The following SERPINI1 variants were observed in gnomAD, a reference collection of about 807,000 sequenced individuals.
SERPINI1 encodes the protein serpin family I member 1.
A neutral mutation model predicts 41.1 loss-of-function variants in SERPINI1; 19 were observed. The observed-to-expected ratio is 0.46, with a 90% CI of 0.32 to 0.68. The LOEUF is 0.68. SERPINI1 is among the 30% of genes least tolerant of loss of function. The probability of loss-of-function intolerance (pLI) is 0.03; values close to 1 mark genes in which losing one functional copy is unlikely to be tolerated. For synonymous variants in SERPINI1, 138 were observed against 156.6 expected (o/e 0.88, Z 0.89); for missense variants, 460 against 479.2 (o/e 0.96, Z 0.37).
At chr3:167,804,357 T>C (rs1711548045) in intron 5 of SERPINI1, among the ~76,000 whole-genome samples, 1 of 152,210 alleles carries the variant, frequency 6.6e-6, no homozygotes, top group Non-Finnish European at 1.5e-5. Context: ...GAAATGATGC[T>C]AATGAAACTT....
At chr3:167,824,675 T>C in intron 8 of SERPINI1, 113 bp downstream of exon 8, 1 of 654,708 alleles carries the variant, frequency 1.5e-6, no homozygotes, top group Non-Finnish European at 2.7e-6. Flanking sequence ...ACAATTTTAT[T>C]TATTTATTCT....
intron 1 of SERPINI1, among the ~76,000 whole-genome samples, chr3:167,764,221 GATT>G (rs1332288281): frequency 6.6e-6 from 1 of 151,974 alleles, no homozygotes; most frequent in Admixed American, 6.6e-5. Flanking sequence ...TAACTGCTGT[GATT>G]ATTAAGCCAA....
chr3:167,748,475 G>A (rs185298005), intron 1 of SERPINI1, among the ~76,000 whole-genome samples: 1 of 152,244 alleles, frequency 6.6e-6, no homozygotes, highest in Non-Finnish European at 1.5e-5. Flanking sequence ...AACTAACGTC[G>A]CTAAACCAGT....
chr3:167,744,729 ATATATATAT>A (rs1342561825), intron 1 of SERPINI1, among the ~76,000 whole-genome samples: 3 of 124,762 alleles, frequency 2.4e-5, no homozygotes, highest in African/African-American at 5.9e-5. Context: ...AAATATATAA[ATATATATAT>A]TATATATAAC....
rs113825583 is a variant in SERPINI1 at position 167,783,740 on chromosome 3, AGGG to A, written c.-18-5370_-18-5368del. Among the ~76,000 whole-genome samples, 138 of 152,350 alleles carry A rather than the reference AGGG, an allele frequency of 9.1e-4. 1 individual carries two copies. The highest frequency in any genetic ancestry group is 3.1e-3 in the African/African-American group (129 of 41,590). ...AAGTCAGAGGTAGCAGAGGCAAAGG[AGGG>A]AGCCAGCAACCAGCAACCAGCAGCA... On this transcript the variant is annotated intron_variant, in intron 1 of 8. Coordinates refer to ENST00000446050, the MANE Select transcript of SERPINI1 (RefSeq NM_001122752.2).
intron 5 of SERPINI1, among the ~76,000 whole-genome samples, chr3:167,805,084 G>A (rs557486638): frequency 1.3e-5 from 2 of 151,302 alleles, no homozygotes; most frequent in South Asian, 2.1e-4. Context: ...TAATTCATAA[G>A]GTCAATTAAA....
chr3:167,812,045 A>C (rs1251482089), intron 6 of SERPINI1, among the ~76,000 whole-genome samples: 2 of 152,144 alleles, frequency 1.3e-5, no homozygotes, highest in Non-Finnish European at 2.9e-5. Flanking sequence ...AAACGGAGTG[A>C]CTTGAGATCT....
At position 167,755,419 on chromosome 3, in the gene SERPINI1, A is replaced by C. The variant is rs1726163496; in HGVS notation, c.-19+19596A>C. On this transcript the variant is annotated intron_variant, in intron 1 of 8. Transcript: ENST00000446050. The stretch of plus-strand genomic sequence containing the variant: ...TTTTAAAAGGAACTTACTGGTAAAA[A>C]TAAGTTCTTGTTTCAAGGAAATAGA... Among the ~76,000 whole-genome samples, 3 of 152,338 alleles carry C rather than the reference A, an allele frequency of 2.0e-5. No individual in the cohort carries two copies. The South Asian group carries it at 6.2e-4, about 32-fold the overall frequency.
intron 6 of SERPINI1, among the ~76,000 whole-genome samples, chr3:167,811,056 C>T (rs1711859578): frequency 6.6e-6 from 1 of 152,004 alleles, no homozygotes; most frequent in Non-Finnish European, 1.5e-5. Context: ...GCTGTTTCTA[C>T]CACATCCACA....
chr3:167,810,095 AATT>A lies in SERPINI1; in HGVS notation c.979+2758_979+2760del, dbSNP rs1468878307. Among the ~76,000 whole-genome samples, 14 of 152,258 alleles carry A rather than the reference AATT, an allele frequency of 9.2e-5. No homozygotes were observed. The East Asian group carries it at 2.7e-3, about 29-fold the overall frequency. On this transcript the variant is annotated intron_variant, in intron 6 of 8. Transcript: ENST00000446050. ...TTAATTTATGAATCATTCATTCAAA[AATT>A]ATTGTTTTAATTATAAAACTTGCCC...
chr3:167,781,633 CCTTTT>C (rs1560005969), intron 1 of SERPINI1, among the ~76,000 whole-genome samples: 5 of 129,672 alleles, frequency 3.9e-5, no homozygotes, highest in East Asian at 4.5e-4. Context: ...TTTCTTTTGG[CCTTTT>C]TTTTTTTTTT....
rs752294814 is a variant in SERPINI1, at chr3:167,789,146, C to A, written c.18C>A (p.Leu6=). ...GTTACAATATGGCTTTCCTTGGACT[C>A]TTCTCTTTGCTGGTTCTGCAAAGTA... is the stretch of plus-strand genomic sequence containing the variant. The part of the protein sequence containing the change: MAFLG[L]FSLLVLQSMA... Residue 6 remains leucine, a synonymous_variant, in exon 2 of 9, where the codon CTC becomes CTA. Transcript: ENST00000446050. 65 of 1,614,068 alleles carry A rather than the reference C, an allele frequency of 4.0e-5. No individual in the cohort carries two copies. In the South Asian group the frequency reaches 6.1e-4, roughly 15 times the overall value.
At position 167,790,402 on chromosome 3, in the gene SERPINI1, C is replaced by A; in HGVS notation, c.281C>A (p.Ser94Ter). ...GEEFSFLKEF[S>*]NMVTAKESQY... ...GAATTTTCTTTCTTGAAGGAGTTTT[C>A]AAACATGGTAACTGCTAAAGAGAGC... The change falls in exon 3 of 9, where the codon TCA becomes TAA. Residue 94 changes from serine (S) to a stop codon, truncating the protein, a stop_gained. Coordinates refer to ENST00000446050, the MANE Select transcript of SERPINI1 (RefSeq NM_001122752.2). LOFTEE classifies it high-confidence loss of function. 1.2e-6 allele frequency: 2 copies of A among 1,613,714 alleles called. No homozygotes were observed. Among genetic ancestry groups the A allele is most frequent in the South Asian group, 2.2e-5 (2 of 91,026 alleles).
At chr3:167,788,241 T>C (rs1483071298) in intron 1 of SERPINI1, among the ~76,000 whole-genome samples, 2 of 152,172 alleles carry the variant, frequency 1.3e-5, no homozygotes, top group Non-Finnish European at 2.9e-5. Context: ...AGCAGAGATA[T>C]TATTCAGAGA....
At chr3:167,770,199 G>A (rs921972295) in intron 1 of SERPINI1, among the ~76,000 whole-genome samples, 11 of 151,306 alleles carry the variant, frequency 7.3e-5, no homozygotes, top group African/African-American at 2.7e-4. Context: ...ATGAATATAT[G>A]TTTTTAAAGT....
intron 1 of SERPINI1, among the ~76,000 whole-genome samples, chr3:167,774,076 A>C (rs1483958846): frequency 6.6e-6 from 1 of 152,196 alleles, no homozygotes; most frequent in African/African-American, 2.4e-5. Context: ...GGAAATAATA[A>C]AGATTTTTTT....
chr3:167,764,968 G>T (rs1053910688), intron 1 of SERPINI1, among the ~76,000 whole-genome samples: 1 of 152,318 alleles, frequency 6.6e-6, no homozygotes, highest in South Asian at 2.1e-4. Flanking sequence ...CAAGAGGTAG[G>T]TTCTCATTGT....
chr3:167,794,492 T>C, intron 4 of SERPINI1, 128 bp from the exon 5 acceptor site: 1 of 653,094 alleles, frequency 1.5e-6, no homozygotes, highest in Middle Eastern at 4.3e-4. Flanking sequence ...TAGTGGTGAT[T>C]TGTGAGATTT....
chr3:167,808,045 G>C (rs1181770649), intron 6 of SERPINI1, among the ~76,000 whole-genome samples: 1 of 151,918 alleles, frequency 6.6e-6, no homozygotes, highest in Non-Finnish European at 1.5e-5. Context: ...TTGAACCCAG[G>C]AGGCAGAGGT....
Sources: allele counts gnomAD v4.1 joint callset (sites outside exome capture counted in the v4.1 genomes callset), GRCh38; gene constraint gnomAD v4.1.1; transcripts MANE v1.5; gene names NCBI Gene and HGNC (gene_info 2026-07-23, HGNC 2026-07-21).